GALNT10: variants seen among roughly 807,000 people sequenced by gnomAD.
GALNT10 encodes the protein GalNAc transferase 10.
A neutral mutation model predicts 75.0 loss-of-function variants in GALNT10; 41 were observed. The ratio of observed to expected loss-of-function variants is 0.55; its 90% CI spans 0.43 to 0.71. The LOEUF (loss-of-function observed/expected upper bound fraction) is 0.71, where lower values mean the gene tolerates loss of function less well. Among genes scored for constraint, GALNT10 ranks in the 30% least tolerant of loss-of-function variants. The pLI is 0.00. For missense variants in GALNT10, 727 were observed against 818.5 expected (o/e 0.89, Z 1.36); for synonymous variants, 302 against 313.0 (o/e 0.96, Z 0.37).
chr5:154,238,191 G>C (rs1339086852), intron 1 of GALNT10, among the ~76,000 whole-genome samples: 1 of 151,994 alleles, frequency 6.6e-6, no homozygotes, highest in Non-Finnish European at 1.5e-5. Context: ...CCACAGGCGT[G>C]GAAAGGAAGT....
At chr5:154,218,083 C>T (rs1752911433) in intron 1 of GALNT10, 3 of 984,988 alleles carry the variant, frequency 3.0e-6, no homozygotes, top group Admixed American at 6.1e-5. Context: ...CAGGATTATT[C>T]CCACCGCCCA....
At position 154,409,710 on chromosome 5, in the gene GALNT10, A is replaced by T; in HGVS notation, c.1334A>T (p.Asp445Val). Residue 445 changes from aspartate (D) to valine (V), a missense_variant, in exon 9 of 12, where the codon GAC becomes GTC. Asp to Val is a radical substitution (Grantham distance 152). Transcript: ENST00000297107. This position sits in a 1 kb window ranked among gnomAD's most constrained non-coding sequence, Gnocchi z 4.5. ...TGGTTTATGACGAAGATAGCCTGGG[A>T]CCTGCCCAAATTCTACCCACCCGTG... is the stretch of plus-strand genomic sequence containing the variant. The part of the protein sequence containing the change: ...FKWFMTKIAW[D>V]LPKFYPPVEP... 6.2e-7 allele frequency: 1 copy of T among 1,614,166 alleles called. No homozygotes were observed. Among genetic ancestry groups the T allele is most frequent in the Non-Finnish European group, 8.5e-7 (1 of 1,180,014 alleles).
intron 1 of GALNT10, among the ~76,000 whole-genome samples, chr5:154,225,220 G>A: frequency 6.6e-6 from 1 of 151,666 alleles, no homozygotes; most frequent in East Asian, 1.9e-4. Flanking sequence ...AGCCTCCCAA[G>A]TAGCTGGGAC....
intron 1 of GALNT10, among the ~76,000 whole-genome samples, chr5:154,250,341 C>T (rs944024592): frequency 1.3e-5 from 2 of 152,178 alleles, no homozygotes; most frequent in Non-Finnish European, 2.9e-5. Context: ...GCCCATGCAT[C>T]ATTTTGGCTG....
At chr5:154,252,408 A>G (rs936571278) in intron 1 of GALNT10, among the ~76,000 whole-genome samples, 2 of 152,174 alleles carry the variant, frequency 1.3e-5, no homozygotes, top group African/African-American at 4.8e-5. Context: ...TATTGATAAC[A>G]GTTTTGCCCT....
intron 1 of GALNT10, among the ~76,000 whole-genome samples, chr5:154,211,328 C>T (rs770403279): frequency 6.6e-6 from 1 of 152,168 alleles, no homozygotes; most frequent in East Asian, 1.9e-4. Context: ...GTTCAGTCAA[C>T]GTTCATCTAC....
At chr5:154,272,773 A>G (rs887051640) in intron 1 of GALNT10, among the ~76,000 whole-genome samples, 4 of 152,214 alleles carry the variant, frequency 2.6e-5, no homozygotes, top group African/African-American at 9.6e-5. Flanking sequence ...TGGAACATAG[A>G]GAGTCCAATA....
chr5:154,205,846 C>T (rs4958712), intron 1 of GALNT10, among the ~76,000 whole-genome samples: 67,309 of 151,944 alleles, frequency 0.44, 15,755 homozygotes, highest in East Asian at 0.78. Context: ...GGAAGCATCT[C>T]CCCTAGAGGC....
chr5:154,323,675 T>C (rs925811727), intron 3 of GALNT10, among the ~76,000 whole-genome samples: 7 of 152,208 alleles, frequency 4.6e-5, no homozygotes, highest in African/African-American at 1.4e-4. Flanking sequence ...GAAGCCCTAT[T>C]TTTTGGTGCT....
intron 1 of GALNT10, among the ~76,000 whole-genome samples, chr5:154,246,143 A>ATT (rs36165395): frequency 1.1e-4 from 16 of 151,278 alleles, no homozygotes; most frequent in South Asian, 8.3e-4. Context: ...TGAATTCATC[A>ATT]TTTTTTTTGG....
At chr5:154,238,052 G>A (rs965692355) in intron 1 of GALNT10, among the ~76,000 whole-genome samples, 1 of 152,154 alleles carries the variant, frequency 6.6e-6, no homozygotes, top group African/African-American at 2.4e-5. Context: ...CACAGTGTTG[G>A]GTACCAGGGT....
At chr5:154,386,482 G>A in intron 7 of GALNT10, 52 bp downstream of exon 7, 4 of 1,099,656 alleles carry the variant, frequency 3.6e-6, no homozygotes, top group Non-Finnish European at 5.6e-6. Flanking sequence ...CTGAGTGCCT[G>A]TCCCAGTAGG....
intron 7 of GALNT10, among the ~76,000 whole-genome samples, chr5:154,401,443 C>T (rs1196127696): frequency 6.6e-6 from 1 of 152,248 alleles, no homozygotes; most frequent in African/African-American, 2.4e-5. Context: ...AAAAGCATCA[C>T]TTCCACATCA....
intron 3 of GALNT10, among the ~76,000 whole-genome samples, chr5:154,317,656 G>A (rs1754614394): frequency 6.6e-6 from 1 of 152,136 alleles, no homozygotes; most frequent in Non-Finnish European, 1.5e-5. Context: ...CCATCGCTGG[G>A]TCCAAAACAG....
intron 1 of GALNT10, among the ~76,000 whole-genome samples, chr5:154,276,846 A>G (rs919169120): frequency 6.6e-6 from 1 of 152,122 alleles, no homozygotes; most frequent in African/African-American, 2.4e-5. Context: ...GGGCCTCTTG[A>G]AGATGTGGTG....
At chr5:154,337,148 G>A (rs1169468888) in intron 4 of GALNT10, among the ~76,000 whole-genome samples, 2 of 152,024 alleles carry the variant, frequency 1.3e-5, no homozygotes, top group African/African-American at 4.8e-5. Context: ...CATTTATTCA[G>A]CGTCATGATC....
rs937679057 is a variant in GALNT10 at position 154,198,986 on chromosome 5, C to G, written c.159+7961C>G. ...AATGCTGTAATTGTTTTTAATCTGT[C>G]CAGACTGTCTGCTTCCTAAAGGCAG... On this transcript the variant is annotated intron_variant, in intron 1 of 11. Transcript: ENST00000297107. Among the ~76,000 whole-genome samples the G allele has an allele frequency of 2.6e-5, 4 of 152,234 alleles. No individual in the cohort carries two copies. The South Asian group carries it at 6.2e-4, about 24-fold the overall frequency.
chr5:154,350,203 T>A (rs993212169), intron 4 of GALNT10, among the ~76,000 whole-genome samples: 37 of 151,068 alleles, frequency 2.4e-4, no homozygotes, highest in Non-Finnish European at 1.6e-4. Flanking sequence ...AAAAAAAAAA[T>A]GTAGTCCCCA....
chr5:154,225,895 C>T (rs2113659088), intron 1 of GALNT10, among the ~76,000 whole-genome samples: 1 of 109,876 alleles, frequency 9.1e-6, no homozygotes, highest in South Asian at 3.1e-4. Flanking sequence ...AGAAATTTAA[C>T]ATGCCATTGT....
Sources: allele counts gnomAD v4.1 joint callset (sites outside exome capture counted in the v4.1 genomes callset), GRCh38; gene constraint gnomAD v4.1.1; non-coding constraint Gnocchi (gnomAD v3.1); transcripts MANE v1.5; gene names NCBI Gene and HGNC (gene_info 2026-07-23, HGNC 2026-07-21).